DYM: variants seen among roughly 807,000 people sequenced by gnomAD.
DYM encodes dyggve-Melchior-Clausen syndrome protein.
In DYM, 78 loss-of-function variants were observed where a neutral mutation model predicts 93.1. The ratio of observed to expected loss-of-function variants is 0.84; its 90% CI spans 0.70 to 1.01. The LOEUF (loss-of-function observed/expected upper bound fraction) is 1.01. Among genes scored for constraint, DYM ranks in the 50% least tolerant of loss-of-function variants. The probability of loss-of-function intolerance (pLI) is 0.00; values close to 1 mark genes in which losing one functional copy is unlikely to be tolerated. For synonymous variants in DYM, 321 were observed against 319.7 expected (o/e 1.00, Z -0.04); for missense variants, 789 against 845.0 (o/e 0.93, Z 0.82).
intron 17 of DYM, among the ~76,000 whole-genome samples, chr18:49,072,149 T>A (rs559222256): frequency 6.6e-6 from 1 of 152,370 alleles, no homozygotes; most frequent in South Asian, 2.1e-4. Flanking sequence ...ACATACTTTG[T>A]AATAATTTAA....
chr18:49,266,085 G>C (rs1216799588), intron 11 of DYM, among the ~76,000 whole-genome samples: 1 of 151,964 alleles, frequency 6.6e-6, no homozygotes, highest in African/African-American at 2.4e-5. Context: ...GCGTAAAACA[G>C]AGTGAGACTC....
intron 8 of DYM, among the ~76,000 whole-genome samples, chr18:49,300,657 A>G (rs2146168897): frequency 6.6e-6 from 1 of 152,306 alleles, no homozygotes; most frequent in East Asian, 1.9e-4. Flanking sequence ...TATATTGCAA[A>G]AACTCAAGTG....
chr18:49,095,639 C>T (rs1229260821), intron 17 of DYM, among the ~76,000 whole-genome samples: 1 of 152,152 alleles, frequency 6.6e-6, no homozygotes, highest in Non-Finnish European at 1.5e-5. Context: ...TCAGAGTCAA[C>T]TTGCCTGGGA....
chr18:49,058,395 T>C (rs1012402246), intron 17 of DYM, among the ~76,000 whole-genome samples: 1 of 151,880 alleles, frequency 6.6e-6, no homozygotes, highest in African/African-American at 2.4e-5. Flanking sequence ...TCATAGTTCA[T>C]TGCAGCCTCA....
At chr18:49,272,113 A>C (rs2094718960) in intron 11 of DYM, 65 bp downstream of exon 11, 17 of 1,474,118 alleles carry the variant, frequency 1.2e-5, no homozygotes, top group Non-Finnish European at 1.6e-5. Context: ...AAAGACTAGT[A>C]AATCTTACGT....
At chr18:49,204,927 G>A (rs1244669726) in intron 14 of DYM, among the ~76,000 whole-genome samples, 1 of 152,118 alleles carries the variant, frequency 6.6e-6, no homozygotes, top group Non-Finnish European at 1.5e-5. Context: ...ATGTGACTCA[G>A]AACAAGATAA....
Position 49,335,786 on chromosome 18 carries a change from C to T in DYM, c.495-1933G>A, listed in dbSNP as rs569812836. Among the ~76,000 whole-genome samples, 260 of 151,758 alleles carry T rather than the reference C, an allele frequency of 1.7e-3. 1 individual carries two copies. The highest frequency in any genetic ancestry group is 8.2e-4 in the Non-Finnish European group (56 of 67,976). ...TAGATAGGCAGATGGATGACTATGT[C>T]CAATACATTTGCAAACGTTTTCTGT... is the stretch of plus-strand genomic sequence containing the variant. On this transcript the variant is annotated intron_variant, in intron 6 of 17. Transcript: ENST00000675505.
intron 15 of DYM, among the ~76,000 whole-genome samples, chr18:49,120,367 T>TA (rs1245824549): frequency 2.0e-5 from 3 of 152,074 alleles, no homozygotes; most frequent in Non-Finnish European, 2.9e-5. Flanking sequence ...AGGTTGAAAG[T>TA]AAAAGGATGG....
chr18:49,394,482 C>T (rs1289804562), intron 2 of DYM, among the ~76,000 whole-genome samples: 2 of 151,962 alleles, frequency 1.3e-5, no homozygotes, highest in Admixed American at 6.6e-5. Flanking sequence ...CAGATTTGCT[C>T]TTTTTGCTCA....
chr18:49,346,757 T>C (rs1599581161), intron 6 of DYM, among the ~76,000 whole-genome samples: 1 of 152,282 alleles, frequency 6.6e-6, no homozygotes, highest in East Asian at 1.9e-4. Flanking sequence ...CAAAACAATA[T>C]GTAGAATTTC....
At chr18:49,181,072 A>AT (rs2089882495) in intron 14 of DYM, among the ~76,000 whole-genome samples, 1 of 152,196 alleles carries the variant, frequency 6.6e-6, no homozygotes, top group African/African-American at 2.4e-5. Flanking sequence ...GGCCGTTAGT[A>AT]TGCAGTTTCT....
At chr18:49,345,632 C>CCCT (rs2064523363) in intron 6 of DYM, among the ~76,000 whole-genome samples, 13 of 151,866 alleles carry the variant, frequency 8.6e-5, no homozygotes, top group Admixed American at 8.5e-4. Flanking sequence ...ATAGAATCTG[C>CCCT]AAGAAGAAGA....
intron 13 of DYM, among the ~76,000 whole-genome samples, chr18:49,216,955 C>G (rs937032078): frequency 6.6e-6 from 1 of 152,108 alleles, no homozygotes; most frequent in Admixed American, 6.6e-5. Flanking sequence ...CAAAGTACTC[C>G]GAGCTACAGG....
At chr18:49,197,958 T>C (rs547242776) in intron 14 of DYM, among the ~76,000 whole-genome samples, 46 of 152,206 alleles carry the variant, frequency 3.0e-4, no homozygotes, top group Non-Finnish European at 6.0e-4. Context: ...GCTGGAGGCA[T>C]CACGCTACTT....
intron 8 of DYM, among the ~76,000 whole-genome samples, chr18:49,321,685 C>T (rs1231491402): frequency 6.6e-6 from 1 of 151,952 alleles, no homozygotes; most frequent in Non-Finnish European, 1.5e-5. Flanking sequence ...TGCAAGGAAC[C>T]ACTGCACAGA....
chr18:49,277,336 C>T (rs1250248944), intron 10 of DYM, among the ~76,000 whole-genome samples: 1 of 152,050 alleles, frequency 6.6e-6, no homozygotes. Context: ...AGGACAGAAT[C>T]CTGCAGCAGG....
At chr18:49,241,509 C>T (rs1343163946) in intron 13 of DYM, among the ~76,000 whole-genome samples, 3 of 152,118 alleles carry the variant, frequency 2.0e-5, no homozygotes, top group South Asian at 2.1e-4. Flanking sequence ...GAGTAAGCCC[C>T]GAACTCAATC....
At chr18:49,244,080 C>T (rs2094106742) in intron 13 of DYM, among the ~76,000 whole-genome samples, 1 of 152,050 alleles carries the variant, frequency 6.6e-6, no homozygotes, top group Admixed American at 6.6e-5. Context: ...ACCAGTGGAC[C>T]TCAAACCCCG....
intron 15 of DYM, chr18:49,126,517 T>C (rs559656404): frequency 6.6e-6 from 1 of 152,318 alleles, no homozygotes; most frequent in Admixed American, 6.5e-5. Context: ...TCACCACTTG[T>C]AAAAAGAAGA....
Sources: gnomAD v4.1 joint callset for allele counts (sites outside exome capture counted in the v4.1 genomes callset) on GRCh38, gnomAD v4.1.1 for gene constraint, MANE v1.5 for transcripts, NCBI Gene and HGNC (gene_info 2026-07-23, HGNC 2026-07-21) for gene names.